Variants in RNPEPL1 observed in about 807,000 individuals in gnomAD.
The protein encoded by RNPEPL1 is aminopeptidase RNPEPL1.
RNPEPL1 carries 46 observed loss-of-function variants against 69.0 expected under a neutral mutation model. The ratio of observed to expected loss-of-function variants is 0.67; its 90% CI spans 0.53 to 0.85. The LOEUF (loss-of-function observed/expected upper bound fraction) is 0.85. Ranked by LOEUF, RNPEPL1 falls within the 40% of genes least tolerant of loss-of-function variation. The pLI, the probability that RNPEPL1 is intolerant of heterozygous loss-of-function variation, is 0.00. For synonymous variants in RNPEPL1, 525 were observed against 454.1 expected (o/e 1.16, Z -1.98); for missense variants, 869 against 992.5 (o/e 0.88, Z 1.67).
rs188466245 is a variant in RNPEPL1, at chr2:240,573,264, A to G, written c.821+3A>G. The G allele has an allele frequency of 9.1e-5, 141 of 1,557,756 alleles. No individual in the cohort carries two copies. The highest frequency in any genetic ancestry group is 6.3e-4 in the South Asian group (53 of 84,634). ...AAGCCGGCAGACATCGGGCCCAGGT[A>G]GGGCCTCCTGCTGGGGCCTTCTGGG... On this transcript the variant is annotated splice_donor_region_variant and intron_variant, in intron 3 of 10. Transcript: ENST00000270357.
intron 3 of RNPEPL1, among the ~76,000 whole-genome samples, 167 bp downstream of exon 3, chr2:240,573,428 A>T (rs1281428310): frequency 4.8e-5 from 3 of 61,926 alleles, no homozygotes; most frequent in Middle Eastern, 0.016. Context: ...GGGCCCTGCC[A>T]CCCATGTGCC....
In RNPEPL1 at chr2:240,573,125, C is replaced by T; in HGVS notation, c.685C>T (p.Gln229Ter). Residue 229 changes from glutamine to a stop codon, truncating the protein, a stop_gained, in exon 3 of 11, where the codon CAG (glutamine) becomes TAG (stop). Coordinates refer to ENST00000270357, the MANE Select transcript of RNPEPL1 (RefSeq NM_018226.6). LOFTEE classifies it high-confidence loss of function. The part of the protein sequence containing the change: ...SAVVKAPSGV[Q>*]VLMSATRSAY... Reference sequence around the variant, plus strand: ...CTCCTTACAGGCGCCATCGGGGGTGCAGGTGCTGATGAGTGCCACCCGGAG... The same window carrying T: ...CTCCTTACAGGCGCCATCGGGGGTGTAGGTGCTGATGAGTGCCACCCGGAG... The T allele has an allele frequency of 1.2e-6, 2 of 1,608,176 alleles. No individual in the cohort carries two copies. The highest frequency in any genetic ancestry group is 1.7e-6 in the Non-Finnish European group (2 of 1,177,746).
In RNPEPL1 at chr2:240,579,094, GCTGCCCTTCACAGTCC is replaced by G; in HGVS notation, c.*1204_*1219del. ...TCCATTTTCCCAGGCGATAGGTGTC[GCTGCCCTTCACAGTCC>G]CCAAGGATGTGGCGCCACCATCTCA... On this transcript the variant is annotated 3_prime_UTR_variant, in exon 11 of 11. Transcript: ENST00000270357. 6.6e-6 allele frequency: 1 copy of G among 152,236 alleles called. No individual in the cohort carries two copies. Among genetic ancestry groups the G allele is most frequent in the Non-Finnish European group, 1.5e-5 (1 of 68,058 alleles). The allele number at this position is 152,236 out of a possible 1,614,324, so 9.4% of individuals were successfully genotyped here.
chr2:240,573,963 C>T (rs2093030254), intron 4 of RNPEPL1, 72 bp downstream of exon 4: 1 of 1,429,268 alleles, frequency 7.0e-7, no homozygotes, highest in Non-Finnish European at 9.6e-7. Context: ...CGTCTGACCC[C>T]TGGGGTGTCC....
Position 240,576,618 on chromosome 2 carries a change from C to A in RNPEPL1, c.1594C>A (p.Pro532Thr). 6.2e-7 allele frequency: 1 copy of A among 1,613,056 alleles called. No homozygotes were observed. The change falls in exon 9 of 11, where the codon CCC becomes ACC. Residue 532 changes from proline (P) to threonine (T), a missense_variant. Coordinates refer to ENST00000270357, the MANE Select transcript of RNPEPL1 (RefSeq NM_018226.6). ...GTCTCAGGGATCCAGCCTGACCCGG[C>A]CCGTGGAGGCCCTTTTCCAGCTGTG... is the stretch of plus-strand genomic sequence containing the variant. ...DLSQGSSLTRPVEALFQLWTA... is the reference protein window; with the variant it reads ...DLSQGSSLTRTVEALFQLWTA...
rs1330451659 is a variant in RNPEPL1 at position 240,576,991 on chromosome 2, G to A, written c.1884+1G>A. The A allele has an allele frequency of 6.2e-7, 1 of 1,612,868 alleles. No individual in the cohort carries two copies. Among genetic ancestry groups the A allele is most frequent in the Non-Finnish European group, 8.5e-7 (1 of 1,179,900 alleles). ...GGTGCGGCGCTTCCTGGAGAGCCAG[G>A]TGCGGTCACCTGCCCAGGGGGCCAG... is the stretch of plus-strand genomic sequence containing the variant. On this transcript the variant is annotated splice_donor_variant, in intron 10 of 10. Transcript: ENST00000270357. LOFTEE classifies it high-confidence loss of function.
At chr2:240,570,790 C>T (rs1032167710) in intron 1 of RNPEPL1, among the ~76,000 whole-genome samples, 35 of 152,182 alleles carry the variant, frequency 2.3e-4, no homozygotes, top group African/African-American at 5.5e-4. Flanking sequence ...GGTGCCCTGA[C>T]GGGGATTGGT....
At chr2:240,577,335 C>T (rs1276612165) in intron 10 of RNPEPL1, among the ~76,000 whole-genome samples, 1 of 152,224 alleles carries the variant, frequency 6.6e-6, no homozygotes, top group Non-Finnish European at 1.5e-5. Flanking sequence ...GCCCTCAGGC[C>T]CGTGGGCCCT....
At chr2:240,576,003 G>A (rs1236970995) in intron 8 of RNPEPL1, 3 of 283,710 alleles carry the variant, frequency 1.1e-5, no homozygotes, top group Admixed American at 4.5e-5. Flanking sequence ...GGCCCAGGAA[G>A]GCACTGCAGG....
At position 240,573,159 on chromosome 2, in the gene RNPEPL1, T is replaced by C; in HGVS notation, c.719T>C (p.Met240Thr). Reference protein sequence around the residue: ...VLMSATRSAYMEEEGVFHFHM... With the variant: ...VLMSATRSAYTEEEGVFHFHM... The stretch of plus-strand genomic sequence containing the variant: ...ATGAGTGCCACCCGGAGTGCATACA[T>C]GGAGGAAGAAGGCGTCTTCCACTTC... Residue 240 changes from methionine to threonine, a missense_variant, in exon 3 of 11, where the codon ATG becomes ACG. This residue lies in a region of RNPEPL1 where 610 missense variants were observed against 790.9 expected (regional missense o/e 0.77). Coordinates refer to ENST00000270357, the MANE Select transcript of RNPEPL1 (RefSeq NM_018226.6). The C allele has an allele frequency of 6.2e-7, 1 of 1,609,866 alleles. No homozygotes were observed. The highest frequency in any genetic ancestry group is 1.1e-5 in the South Asian group (1 of 90,146).
At chr2:240,570,434 C>T (rs935948250) in intron 1 of RNPEPL1, among the ~76,000 whole-genome samples, 1 of 152,224 alleles carries the variant, frequency 6.6e-6, no homozygotes, top group Admixed American at 6.5e-5. Flanking sequence ...GCCCTACTTG[C>T]AGAAGGCAGA....
intron 3 of RNPEPL1, 43 bp from the exon 4 acceptor site, chr2:240,573,732 C>A: frequency 6.8e-7 from 1 of 1,462,956 alleles, no homozygotes; most frequent in Non-Finnish European, 9.2e-7. Flanking sequence ...GTGAGCGGGG[C>A]TGGGGCTGCT....
At chr2:240,574,445 C>G (rs2093031945) in intron 5 of RNPEPL1, 70 bp from the exon 6 acceptor site, 1 of 1,530,346 alleles carries the variant, frequency 6.5e-7, no homozygotes, top group South Asian at 1.2e-5. Flanking sequence ...CTGCAGGTGC[C>G]CACACCTCCT....
rs758390282 is a variant in RNPEPL1 at position 240,577,644 on chromosome 2, G to A, written c.1930G>A (p.Gly644Ser). The change falls in exon 11 of 11, where the codon GGT becomes AGT. Residue 644 changes from glycine to serine, a missense_variant. Transcript: ENST00000270357. ...CCCGCTGTACGAGGACCTCTGCACC[G>A]GTGCCCTCAAGTCCTTCGCGCTGGA... Reference protein sequence around the residue: ...TIPLYEDLCTGALKSFALEVF... With the variant: ...TIPLYEDLCTSALKSFALEVF... 6.1e-5 allele frequency: 99 copies of A among 1,610,710 alleles called. No homozygotes were observed. The Middle Eastern group carries it at 1.2e-3, about 19-fold the overall frequency.
At chr2:240,572,900 C>A (rs1267118548) in intron 2 of RNPEPL1, among the ~76,000 whole-genome samples, 2 of 152,254 alleles carry the variant, frequency 1.3e-5, no homozygotes, top group African/African-American at 4.8e-5. Flanking sequence ...GCAGCACCCT[C>A]TGTGCTGGGA....
chr2:240,573,769 C>A lies in RNPEPL1; in HGVS notation c.822-6C>A. ...GGCCTCAGCTCACCCTCTCTGCATGCACCAGGAGCCGCGTGTGGGCCGAGC... is the reference window on the plus strand; with the variant it reads ...GGCCTCAGCTCACCCTCTCTGCATGAACCAGGAGCCGCGTGTGGGCCGAGC... On this transcript the variant is annotated splice_polypyrimidine_tract_variant and splice_region_variant and intron_variant, in intron 3 of 10. Transcript: ENST00000270357. 2 of 1,530,708 alleles carry A rather than the reference C, an allele frequency of 1.3e-6. No individual in the cohort carries two copies. Among genetic ancestry groups the A allele is most frequent in the Non-Finnish European group, 1.8e-6 (2 of 1,136,044 alleles). 94.8% of individuals were successfully genotyped at this position (1,530,708 alleles called of 1,614,324 possible).
chr2:240,573,021 G>A lies in RNPEPL1; in HGVS notation c.670-89G>A, dbSNP rs537725692. On this transcript the variant is annotated intron_variant, in intron 2 of 10. Coordinates refer to ENST00000270357, the MANE Select transcript of RNPEPL1 (RefSeq NM_018226.6). ...ATGGGGATGTAGGGTTTCCTGCTAC[G>A]AATATGGGGCTGCCTGACAGGCTCC... The A allele has an allele frequency of 3.6e-5, 51 of 1,413,330 alleles. No homozygotes were observed. The South Asian group carries it at 5.6e-4, about 15-fold the overall frequency. The allele number at this position is 1,413,330 out of a possible 1,614,324, so 87.5% of individuals were successfully genotyped here.
At position 240,573,262 on chromosome 2, in the gene RNPEPL1, G is replaced by T; in HGVS notation, c.821+1G>T. 1 of 1,558,882 alleles carries T rather than the reference G, an allele frequency of 6.4e-7. No individual in the cohort carries two copies. On this transcript the variant is annotated splice_donor_variant, in intron 3 of 10. Transcript: ENST00000270357. LOFTEE classifies it high-confidence loss of function. Reference sequence around the variant, plus strand: ...TCAAGCCGGCAGACATCGGGCCCAGGTAGGGCCTCCTGCTGGGGCCTTCTG... The same window carrying T: ...TCAAGCCGGCAGACATCGGGCCCAGTTAGGGCCTCCTGCTGGGGCCTTCTG...
At position 240,572,471 on chromosome 2, in the gene RNPEPL1, G is replaced by T; in HGVS notation, c.577G>T (p.Val193Phe). The change falls in exon 2 of 11, where the codon GTC becomes TTC. Residue 193 changes from valine to phenylalanine, a missense_variant. Val to Phe is a conservative substitution (Grantham distance 50). Around this residue, in one of 2 missense-constraint regions of RNPEPL1, gnomAD observed 610 missense variants for 790.9 expected, o/e 0.77. Coordinates refer to ENST00000270357, the MANE Select transcript of RNPEPL1 (RefSeq NM_018226.6). Reference sequence around the variant, plus strand: ...GACCTATGGCTGCGCCAAGCCCTTCGTCTTCACCCAGGGCCACTCCGTGTG... The same window carrying T: ...GACCTATGGCTGCGCCAAGCCCTTCTTCTTCACCCAGGGCCACTCCGTGTG... ...ELTYGCAKPF[V>F]FTQGHSVCNR... 1 of 1,536,262 alleles carries T rather than the reference G, an allele frequency of 6.5e-7. No homozygotes were observed. Among genetic ancestry groups the T allele is most frequent in the Non-Finnish European group, 8.7e-7 (1 of 1,146,880 alleles).
Sources: gnomAD v4.1 joint callset for allele counts (sites outside exome capture counted in the v4.1 genomes callset) on GRCh38, gnomAD v4.1.1 for gene constraint, gnomAD v4.1.1 regional missense constraint, MANE v1.5 for transcripts, NCBI Gene and HGNC (gene_info 2026-07-23, HGNC 2026-07-21) for gene names.